The following INVS variants were observed in gnomAD, a reference collection of about 807,000 sequenced individuals.
The protein encoded by INVS is inversion of embryo turning homolog.
A neutral mutation model predicts 108.8 loss-of-function variants in INVS; 86 were observed. That is an observed-to-expected ratio of 0.79 (90% CI 0.66 to 0.95). INVS has a LOEUF of 0.95. Among genes scored for constraint, INVS ranks in the 40% least tolerant of loss-of-function variants. The probability of loss-of-function intolerance (pLI) is 0.00; values close to 1 mark genes in which losing one functional copy is unlikely to be tolerated. For missense variants in INVS, 1,169 were observed against 1,297.4 expected (o/e 0.90, Z 1.52); for synonymous variants, 455 against 473.5 (o/e 0.96, Z 0.51).
chr9:100,188,066 G>C (rs1187058356), intron 3 of INVS, among the ~76,000 whole-genome samples: 1 of 152,102 alleles, frequency 6.6e-6, no homozygotes, highest in African/African-American at 2.4e-5. Flanking sequence ...ATCAAATCTA[G>C]GATTCTTTTG....
chr9:100,135,542 T>C (rs919287035), intron 3 of INVS, among the ~76,000 whole-genome samples: 2 of 152,166 alleles, frequency 1.3e-5, no homozygotes, highest in Non-Finnish European at 2.9e-5. Context: ...ATACCATTTG[T>C]CTTTGCTGCA....
intron 3 of INVS, among the ~76,000 whole-genome samples, chr9:100,204,433 G>T (rs1673033102): frequency 6.6e-6 from 1 of 152,154 alleles, no homozygotes; most frequent in Non-Finnish European, 1.5e-5. Flanking sequence ...TAGACCACAG[G>T]TATCTATCTC....
In INVS at chr9:100,252,930, G is replaced by C; in HGVS notation, c.1258G>C (p.Asp420His). The change falls in exon 10 of 17, where the codon GAC (aspartate) becomes CAC (histidine). Residue 420 changes from aspartate to histidine, a missense_variant. Around this residue, in one of 3 missense-constraint regions of INVS, gnomAD observed 271 missense variants for 363.8 expected, o/e 0.74. Coordinates refer to ENST00000262457, the MANE Select transcript of INVS (RefSeq NM_014425.5). The part of the protein sequence containing the change: ...IKGGARVDLV[D>H]QDGHSLLHWA... ...AGGTGGAGCAAGGGTAGATCTAGTT[G>C]ACCAAGATGGACATTCTCTTCTACA... is the stretch of plus-strand genomic sequence containing the variant. 1 of 1,613,542 alleles carries C rather than the reference G, an allele frequency of 6.2e-7. No homozygotes were observed.
intron 3 of INVS, among the ~76,000 whole-genome samples, chr9:100,169,280 T>A (rs941755374): frequency 6.6e-6 from 1 of 152,204 alleles, no homozygotes; most frequent in Non-Finnish European, 1.5e-5. Context: ...TTAAGTGATA[T>A]CAATGGTATC....
chr9:100,276,562 G>A (rs987624353), intron 12 of INVS, among the ~76,000 whole-genome samples: 1 of 152,094 alleles, frequency 6.6e-6, no homozygotes, highest in Non-Finnish European at 1.5e-5. Flanking sequence ...AGGCTGGAGT[G>A]CAGTGGCTCG....
chr9:100,118,957 G>A (rs1564120624), intron 2 of INVS, among the ~76,000 whole-genome samples: 1 of 152,014 alleles, frequency 6.6e-6, no homozygotes, highest in Non-Finnish European at 1.5e-5. Context: ...CACCATGCCT[G>A]GTCTTTCCAG....
intron 13 of INVS, among the ~76,000 whole-genome samples, chr9:100,287,328 A>G (rs1168308004): frequency 6.6e-6 from 1 of 152,234 alleles, no homozygotes; most frequent in African/African-American, 2.4e-5. Flanking sequence ...ATTTGCACAC[A>G]TTATATTGAT....
intron 3 of INVS, chr9:100,175,342 C>A: frequency 2.7e-6 from 2 of 744,060 alleles, no homozygotes; most frequent in Non-Finnish European, 5.0e-6. Flanking sequence ...AGCTCTAATT[C>A]TTTCACGAGT....
In INVS at chr9:100,240,073, C is replaced by CA. The variant is rs1564171882; in HGVS notation, c.630dup (p.Glu211ArgfsTer21). ...CCTTCAAATCAGGATGCTGCTCCAACAGAGTCTTTACTGAACTGGCAAGAC... is the reference window on the plus strand; with the variant it reads ...CCTTCAAATCAGGATGCTGCTCCAACAAGAGTCTTTACTGAACTGGCAAGAC... On this transcript the variant is annotated frameshift_variant, in exon 6 of 17. Transcript: ENST00000262457. LOFTEE classifies it high-confidence loss of function. 1.9e-6 allele frequency: 3 copies of CA among 1,614,102 alleles called. No homozygotes were observed. The East Asian group carries it at 6.7e-5, about 36-fold the overall frequency.
At chr9:100,284,977 A>G (rs1833395645) in intron 13 of INVS, among the ~76,000 whole-genome samples, 1 of 152,184 alleles carries the variant, frequency 6.6e-6, no homozygotes, top group Non-Finnish European at 1.5e-5. Context: ...AAAACTCACA[A>G]AGGAAATAAC....
intron 16 of INVS, chr9:100,298,404 C>A (rs1165250597): frequency 1.2e-6 from 1 of 834,166 alleles, no homozygotes; most frequent in Non-Finnish European, 1.4e-6. Context: ...GAAGAGAACA[C>A]TGAGAGCATG....
intron 12 of INVS, among the ~76,000 whole-genome samples, chr9:100,274,791 C>G (rs1392273777): frequency 6.6e-6 from 1 of 151,984 alleles, no homozygotes; most frequent in Non-Finnish European, 1.5e-5. Context: ...AGGCATGAGC[C>G]ACTGTGCCCA....
intron 3 of INVS, among the ~76,000 whole-genome samples, chr9:100,182,162 C>G (rs1229305758): frequency 6.6e-6 from 1 of 152,152 alleles, no homozygotes; most frequent in Non-Finnish European, 1.5e-5. Context: ...CATAAAAACG[C>G]TAGAAGAAAA....
intron 3 of INVS, chr9:100,129,964 T>G (rs1248466699): frequency 2.4e-6 from 1 of 408,850 alleles, no homozygotes; most frequent in Non-Finnish European, 4.4e-6. Context: ...CTCACAAGTT[T>G]TTAACAGATT....
chr9:100,253,208 A>G, intron 10 of INVS, 72 bp downstream of exon 10: 1 of 1,198,832 alleles, frequency 8.3e-7, no homozygotes, highest in Non-Finnish European at 1.2e-6. Context: ...TGTAAACATA[A>G]GTAAAACAAC....
chr9:100,188,815 C>A (rs1156585807), intron 3 of INVS, among the ~76,000 whole-genome samples: 1 of 151,850 alleles, frequency 6.6e-6, no homozygotes, highest in Non-Finnish European at 1.5e-5. Flanking sequence ...TCCATCTGAC[C>A]TTGGGCGTTT....
chr9:100,295,202 T>C (rs1333162593), intron 14 of INVS, among the ~76,000 whole-genome samples: 4 of 152,294 alleles, frequency 2.6e-5, no homozygotes, highest in East Asian at 3.9e-4. Flanking sequence ...TCTGACTCCT[T>C]TGAAGAGTCA....
chr9:100,194,503 G>GTT (rs35911770), intron 3 of INVS, among the ~76,000 whole-genome samples: 1 of 146,228 alleles, frequency 6.8e-6, no homozygotes, highest in Non-Finnish European at 1.5e-5. Context: ...TAAAATGAGG[G>GTT]TTTTTTTTTT....
intron 12 of INVS, among the ~76,000 whole-genome samples, chr9:100,282,867 A>G (rs1833322275): frequency 6.6e-6 from 1 of 152,194 alleles, no homozygotes; most frequent in Non-Finnish European, 1.5e-5. Context: ...TGGCTACTCA[A>G]GGTGTGGCCA....
Sources: allele counts gnomAD v4.1 joint callset (sites outside exome capture counted in the v4.1 genomes callset), GRCh38; gene constraint gnomAD v4.1.1; regional missense constraint gnomAD v4.1.1; transcripts MANE v1.5; gene names NCBI Gene and HGNC (gene_info 2026-07-23, HGNC 2026-07-21).